The following METTL15 variants were observed in gnomAD, a reference collection of about 807,000 sequenced individuals.
METTL15 encodes methyltransferase 15, mitochondrial 12S rRNA N4-cytidine.
METTL15 carries 34 observed loss-of-function variants against 38.3 expected under a neutral mutation model. That is an observed-to-expected ratio of 0.89 (90% CI 0.68 to 1.18). The LOEUF (loss-of-function observed/expected upper bound fraction) is 1.18, where lower values mean the gene tolerates loss of function less well. Ranked by LOEUF, METTL15 falls within the 50% of genes most tolerant of loss-of-function variation. METTL15 has a pLI of 0.00. For missense variants in METTL15, 438 were observed against 498.4 expected, an observed-to-expected ratio of 0.88 and a Z score of 1.15; for synonymous variants, 162 against 170.9, an observed-to-expected ratio of 0.95 and a Z score of 0.41.
chr11:28,467,252 A>T lies in METTL15; in HGVS notation c.*424+42888A>T, dbSNP rs531102292. 2.9e-4 allele frequency among the ~76,000 whole-genome samples: 44 copies of T among 152,240 alleles called. 1 individual carries two copies. In the East Asian group the frequency reaches 7.9e-3, roughly 27 times the overall value. On this transcript the variant is annotated intron_variant and NMD_transcript_variant, in intron 6 of 7. Coordinates refer to the METTL15 transcript ENST00000532947. ...AATGGCAGGGGTAGAGGGGTGGAGG[A>T]TAAGGGGACCAGGGTAGTGGCAACA...
At chr11:28,166,459 A>G (rs568657096) in intron 3 of METTL15, among the ~76,000 whole-genome samples, 1 of 152,132 alleles carries the variant, frequency 6.6e-6, no homozygotes, top group South Asian at 2.1e-4. Flanking sequence ...ACAGAATACA[A>G]ATTTCCTAGC....
chr11:28,310,878 ATGCTGCTGCTGCTGCTGCTGCTGCTGC>A (rs878913369), intron 6 of METTL15, among the ~76,000 whole-genome samples: 1 of 64,678 alleles, frequency 1.5e-5, no homozygotes, highest in African/African-American at 7.6e-5. Context: ...CCTAGCTTAA[ATGCTGCTGCTGCTGCTGCTGCTGCTGC>A]TGCTGCTGCT....
At chr11:28,312,937 C>A (rs560576405) in intron 6 of METTL15, among the ~76,000 whole-genome samples, 24 of 151,910 alleles carry the variant, frequency 1.6e-4, no homozygotes, top group African/African-American at 5.8e-4. Flanking sequence ...AACACATGAA[C>A]TTTGGGGAAC....
intron 6 of METTL15, among the ~76,000 whole-genome samples, chr11:28,308,142 T>C (rs1253565937): frequency 1.3e-5 from 2 of 152,110 alleles, no homozygotes; most frequent in Non-Finnish European, 2.9e-5. Flanking sequence ...TTATGGCTAA[T>C]GAAAAGTCTG....
At chr11:28,358,073 A>G (rs1242352132) in intron 4 of METTL15, among the ~76,000 whole-genome samples, 1 of 152,056 alleles carries the variant, frequency 6.6e-6, no homozygotes, top group African/African-American at 2.4e-5. Context: ...CAGAGGGGGA[A>G]ATCTGTGACA....
chr11:28,392,281 A>T (rs1850517625), intron 5 of METTL15, among the ~76,000 whole-genome samples: 1 of 152,108 alleles, frequency 6.6e-6, no homozygotes, highest in Non-Finnish European at 1.5e-5. Flanking sequence ...CTGAAAAGCC[A>T]AAGCAATTAT....
At chr11:28,353,516 T>A (rs1163701282) in intron 4 of METTL15, among the ~76,000 whole-genome samples, 2 of 152,120 alleles carry the variant, frequency 1.3e-5, no homozygotes, top group African/African-American at 4.8e-5. Context: ...TACCATGTGA[T>A]AGACAGCAGG....
chr11:28,478,340 T>C (rs1851365004), intron 6 of METTL15, among the ~76,000 whole-genome samples: 2 of 152,196 alleles, frequency 1.3e-5, no homozygotes, highest in African/African-American at 4.8e-5. Flanking sequence ...GAGATGGTGA[T>C]TATGAGTCTA....
chr11:28,177,569 G>C (rs1851122781), intron 3 of METTL15, among the ~76,000 whole-genome samples: 1 of 151,958 alleles, frequency 6.6e-6, no homozygotes, highest in Admixed American at 6.6e-5. Context: ...AAGAAAAAGT[G>C]ATTTTTTGGG....
chr11:28,238,105 TG>T (rs936711537), intron 4 of METTL15, among the ~76,000 whole-genome samples: 1 of 152,206 alleles, frequency 6.6e-6, no homozygotes, highest in African/African-American at 2.4e-5. Flanking sequence ...TCTCTAGCTG[TG>T]TGCTGGGAGA....
chr11:28,196,092 T>G (rs1419556003), intron 3 of METTL15, among the ~76,000 whole-genome samples: 1 of 152,126 alleles, frequency 6.6e-6, no homozygotes, highest in Non-Finnish European at 1.5e-5. Context: ...CATGCTGTTT[T>G]GGTTACTATA....
At chr11:28,458,079 G>A (rs1321079671) in intron 6 of METTL15, among the ~76,000 whole-genome samples, 1 of 152,158 alleles carries the variant, frequency 6.6e-6, no homozygotes, top group African/African-American at 2.4e-5. Flanking sequence ...ATGAGGAGAT[G>A]GGGTGACTTT....
chr11:28,496,508 A>G (rs1215467458), intron 6 of METTL15, among the ~76,000 whole-genome samples: 1 of 152,224 alleles, frequency 6.6e-6, no homozygotes, highest in Non-Finnish European at 1.5e-5. Flanking sequence ...GAACCACCAT[A>G]AAGTTTACAG....
At chr11:28,357,311 G>T (rs573887469) in intron 4 of METTL15, among the ~76,000 whole-genome samples, 21 of 152,210 alleles carry the variant, frequency 1.4e-4, no homozygotes, top group Non-Finnish European at 2.5e-4. Flanking sequence ...TATTTCTGAA[G>T]ATCCAATGAG....
chr11:28,205,034 A>G (rs1852265242), intron 3 of METTL15, among the ~76,000 whole-genome samples: 1 of 151,986 alleles, frequency 6.6e-6, no homozygotes, highest in Non-Finnish European at 1.5e-5. Flanking sequence ...ATTCAGATTT[A>G]TTTGTTCCTG....
intron 3 of METTL15, among the ~76,000 whole-genome samples, chr11:28,193,172 T>C (rs956754203): frequency 6.6e-6 from 1 of 152,100 alleles, no homozygotes; most frequent in African/African-American, 2.4e-5. Context: ...CTCCAAATTC[T>C]TTAAAGGATA....
At chr11:28,127,286 G>A (rs1852530457) in intron 3 of METTL15, among the ~76,000 whole-genome samples, 1 of 152,036 alleles carries the variant, frequency 6.6e-6, no homozygotes, top group South Asian at 2.1e-4. Context: ...GATTTAAGAG[G>A]TAAAAAGCAT....
chr11:28,130,445 C>A (rs1009569461), intron 3 of METTL15, among the ~76,000 whole-genome samples: 5 of 151,986 alleles, frequency 3.3e-5, no homozygotes, highest in African/African-American at 1.2e-4. Flanking sequence ...AATAGTCATA[C>A]TATTTGAAAA....
At chr11:28,442,502 C>T (rs1157938352) in intron 6 of METTL15, among the ~76,000 whole-genome samples, 2 of 152,020 alleles carry the variant, frequency 1.3e-5, no homozygotes, top group Admixed American at 6.6e-5. Flanking sequence ...TTGGAGAACA[C>T]GTATACACAG....
Sources: gnomAD v4.1 joint callset for allele counts (sites outside exome capture counted in the v4.1 genomes callset) on GRCh38, gnomAD v4.1.1 for gene constraint, MANE v1.5 for transcripts, NCBI Gene and HGNC (gene_info 2026-07-23, HGNC 2026-07-21) for gene names.